Variants in RFC3 observed in about 807,000 individuals in gnomAD.
The protein encoded by RFC3 is replication factor C subunit 3.
Under a neutral mutation model 45.1 loss-of-function variants are expected in RFC3, and 41 were observed. That is an observed-to-expected ratio of 0.91 (90% confidence interval 0.71 to 1.18). The LOEUF is 1.18. RFC3 is among the 50% of genes most tolerant of loss of function. The probability of loss-of-function intolerance (pLI) is 0.00; values close to 1 mark genes in which losing one functional copy is unlikely to be tolerated. For missense variants in RFC3, 423 were observed against 428.1 expected (o/e 0.99, Z 0.10); for synonymous variants, 149 against 144.0 (o/e 1.03, Z -0.25).
intron 8 of RFC3, among the ~76,000 whole-genome samples, chr13:33,943,772 A>G (rs1566037601): frequency 6.6e-6 from 1 of 152,008 alleles, no homozygotes; most frequent in Non-Finnish European, 1.5e-5. Flanking sequence ...CCAGAAGGAG[A>G]TTCTCTTATT....
intron 8 of RFC3, among the ~76,000 whole-genome samples, chr13:33,925,240 T>G (rs1266206035): frequency 7.2e-5 from 5 of 69,064 alleles, no homozygotes; most frequent in Non-Finnish European, 1.0e-4. Flanking sequence ...ACATATAGTG[T>G]ACTATATACA....
chr13:33,971,710 G>C, the RFC3 span, among the ~76,000 whole-genome samples: 15 of 152,200 alleles, frequency 9.9e-5, no homozygotes, highest in Admixed American at 2.6e-4. Context: ...CTATGTCTCA[G>C]CAGCTGGCCA....
chr13:33,961,173 C>T (rs1465661199), intron 8 of RFC3, among the ~76,000 whole-genome samples: 1 of 152,166 alleles, frequency 6.6e-6, no homozygotes, highest in East Asian at 1.9e-4. Context: ...GGCCACCCCG[C>T]CTATTACACA....
In RFC3 at chr13:33,905,621, A is replaced by G. The variant is rs373179770; in HGVS notation, c.880-60466A>G. 5.9e-5 allele frequency among the ~76,000 whole-genome samples: 9 copies of G among 152,180 alleles called. No individual in the cohort carries two copies. In the South Asian group the frequency reaches 8.3e-4, roughly 14 times the overall value. ...CAGTTTTCCCACAACCTCTTCCCCT[A>G]TAATAGTCAATGTTCATGGTACAGA... On this transcript the variant is annotated intron_variant, in intron 8 of 8. Coordinates refer to the RFC3 transcript ENST00000434425.
chr13:33,959,803 GCTAT>G (rs1210776822), intron 8 of RFC3, among the ~76,000 whole-genome samples: 1 of 152,076 alleles, frequency 6.6e-6, no homozygotes, highest in Non-Finnish European at 1.5e-5. Flanking sequence ...TTCTTGCACT[GCTAT>G]AGAGAAATTC....
At chr13:33,820,579 C>T (rs1158807) in intron 1 of RFC3, among the ~76,000 whole-genome samples, 36,286 of 152,076 alleles carry the variant, frequency 0.24, 6,229 homozygotes, top group African/African-American at 0.45. Context: ...TTCCCTGTTT[C>T]GCATCCCCAC....
chr13:33,948,915 A>G (rs561040497), intron 8 of RFC3, among the ~76,000 whole-genome samples: 10 of 152,314 alleles, frequency 6.6e-5, no homozygotes, highest in Non-Finnish European at 1.2e-4. Context: ...GCTCATAGGC[A>G]GAAGCAACTT....
At chr13:33,860,324 G>A (rs2082333025) in intron 8 of RFC3, among the ~76,000 whole-genome samples, 1 of 151,740 alleles carries the variant, frequency 6.6e-6, no homozygotes, top group Non-Finnish European at 1.5e-5. Context: ...GAAGGAGGAG[G>A]ATGGAGGCTT....
chr13:33,966,717 T>A (rs1252401317), downstream of RFC3, among the ~76,000 whole-genome samples: 2 of 152,172 alleles, frequency 1.3e-5, no homozygotes, highest in East Asian at 3.8e-4. Flanking sequence ...AAATGAGCAC[T>A]TTGAGTTCTC....
chr13:33,858,490 A>G (rs1381028832), intron 8 of RFC3, among the ~76,000 whole-genome samples: 1 of 152,054 alleles, frequency 6.6e-6, no homozygotes, highest in Non-Finnish European at 1.5e-5. Context: ...CCCACTCTTC[A>G]CTTCACAAGC....
chr13:33,827,567 A>G (rs548247369), intron 4 of RFC3, among the ~76,000 whole-genome samples: 4 of 152,330 alleles, frequency 2.6e-5, no homozygotes, highest in African/African-American at 9.6e-5. Context: ...TACAATTACA[A>G]ACCTTTAAAA....
intron 8 of RFC3, among the ~76,000 whole-genome samples, chr13:33,941,195 C>G (rs1220951924): frequency 1.3e-5 from 2 of 150,638 alleles, no homozygotes; most frequent in Non-Finnish European, 3.0e-5. Context: ...TGTGAGGAGG[C>G]GGGCCTGTTA....
At chr13:33,818,308 C>T (rs1566373428) in intron 1 of RFC3, 43 bp downstream of exon 1, 10 of 1,566,324 alleles carry the variant, frequency 6.4e-6, no homozygotes, top group Non-Finnish European at 7.9e-6. Flanking sequence ...GGGAGGCCCC[C>T]CGGCTCGGGG....
chr13:33,857,511 C>T (rs2082315314), intron 8 of RFC3, among the ~76,000 whole-genome samples: 1 of 152,216 alleles, frequency 6.6e-6, no homozygotes, highest in African/African-American at 2.4e-5. Context: ...CAATCAGCAT[C>T]TCTGGCTGAC....
intron 8 of RFC3, among the ~76,000 whole-genome samples, chr13:33,930,558 G>C (rs1593700373): frequency 6.6e-6 from 1 of 152,084 alleles, no homozygotes. Flanking sequence ...CTGTCTCTCT[G>C]AGTCCACTGA....
At chr13:33,852,296 A>G (rs1399752236) in intron 8 of RFC3, among the ~76,000 whole-genome samples, 1 of 152,184 alleles carries the variant, frequency 6.6e-6, no homozygotes, top group Non-Finnish European at 1.5e-5. Context: ...GAATCAGTGA[A>G]CCTACTTGAC....
chr13:33,853,678 G>C (rs2082291200), intron 8 of RFC3, among the ~76,000 whole-genome samples: 1 of 152,096 alleles, frequency 6.6e-6, no homozygotes, highest in African/African-American at 2.4e-5. Flanking sequence ...GGCAGAAAAA[G>C]GTACCTAAAT....
At chr13:33,859,401 CATT>C (rs67317734) in intron 8 of RFC3, among the ~76,000 whole-genome samples, 5,099 of 152,150 alleles carry the variant, frequency 0.034, 149 homozygotes, top group East Asian at 0.15. Flanking sequence ...CTAGACATAA[CATT>C]ATGATAAAAA....
At chr13:33,976,156 A>G in the RFC3 span, among the ~76,000 whole-genome samples, 1 of 152,230 alleles carries the variant, frequency 6.6e-6, no homozygotes, top group South Asian at 2.1e-4. Flanking sequence ...GCATTGGATT[A>G]TAAACATATG....
Sources: gnomAD v4.1 joint callset for allele counts (sites outside exome capture counted in the v4.1 genomes callset) on GRCh38, gnomAD v4.1.1 for gene constraint, MANE v1.5 for transcripts, NCBI Gene and HGNC (gene_info 2026-07-23, HGNC 2026-07-21) for gene names.